RCAN2: variants seen among roughly 807,000 people sequenced by gnomAD.
RCAN2 encodes regulator of calcineurin 2, also known as calcipressin-2.
RCAN2 carries 9 observed loss-of-function variants against 23.6 expected under a neutral mutation model. That is an observed-to-expected ratio of 0.38 (90% CI 0.23 to 0.67). The LOEUF (loss-of-function observed/expected upper bound fraction) is 0.67, where lower values mean the gene tolerates loss of function less well. RCAN2 is among the 30% of genes least tolerant of loss of function. The pLI, the probability that RCAN2 is intolerant of heterozygous loss-of-function variation, is 0.51. For synonymous variants in RCAN2, 109 were observed against 115.7 expected (o/e 0.94, Z 0.37); for missense variants, 273 against 302.3 (o/e 0.90, Z 0.72).
intron 1 of RCAN2, among the ~76,000 whole-genome samples, chr6:46,462,179 G>A (rs1768238439): frequency 6.6e-6 from 1 of 152,114 alleles, no homozygotes; most frequent in African/African-American, 2.4e-5. Context: ...AAGCAGCAGT[G>A]CAGCTTGAAT....
At chr6:46,479,240 C>G (rs918301664) in intron 1 of RCAN2, among the ~76,000 whole-genome samples, 1 of 152,184 alleles carries the variant, frequency 6.6e-6, no homozygotes, top group African/African-American at 2.4e-5. Context: ...AAACTGAGTA[C>G]AGAGCATCCT....
Position 46,222,132 on chromosome 6 carries a change from T to C in RCAN2, c.*1009A>G. ...GTATATATTGGCATTAGATGTTTTG[T>C]GTCCTTTCAAAATTCAGCATTATCC... On this transcript the variant is annotated 3_prime_UTR_variant, in exon 5 of 5. Coordinates refer to ENST00000371374, the MANE Select transcript of RCAN2 (RefSeq NM_001251974.2). 2.5e-6 allele frequency: 1 copy of C among 396,750 alleles called. No individual in the cohort carries two copies. 24.6% of individuals were successfully genotyped at this position (396,750 alleles called of 1,614,324 possible).
At chr6:46,313,768 A>G (rs997354201) in intron 2 of RCAN2, among the ~76,000 whole-genome samples, 1 of 152,210 alleles carries the variant, frequency 6.6e-6, no homozygotes, top group Non-Finnish European at 1.5e-5. Flanking sequence ...TCCTGACTAC[A>G]TCAAAGAGGT....
chr6:46,243,581 C>T (rs963281243), intron 4 of RCAN2, among the ~76,000 whole-genome samples: 6 of 151,858 alleles, frequency 4.0e-5, no homozygotes, highest in South Asian at 2.1e-4. Flanking sequence ...GAGACTGAGG[C>T]GGGTGGATCA....
In RCAN2 at chr6:46,298,588, C is replaced by T. The variant is rs141253688; in HGVS notation, c.226-49692G>A. Among the ~76,000 whole-genome samples the T allele has an allele frequency of 4.2e-3, 634 of 152,036 alleles. 3 individuals are homozygous for T. Among genetic ancestry groups the T allele is most frequent in the African/African-American group, 0.014 (596 of 41,500 alleles). The stretch of plus-strand genomic sequence containing the variant: ...GATTCTCCCTCACTTTGGTAGATAC[C>T]GTACAAACTAATCAGAGTTGGAGAA... On this transcript the variant is annotated intron_variant, in intron 2 of 4. Transcript: ENST00000371374.
chr6:46,391,154 T>A (rs1471918706), intron 2 of RCAN2, among the ~76,000 whole-genome samples: 7 of 152,188 alleles, frequency 4.6e-5, no homozygotes, highest in Admixed American at 4.6e-4. Context: ...AGTTTCCTCA[T>A]AAGTGAAACT....
At chr6:46,410,461 T>C (rs1766516182) in intron 2 of RCAN2, among the ~76,000 whole-genome samples, 1 of 152,180 alleles carries the variant, frequency 6.6e-6, no homozygotes, top group East Asian at 1.9e-4. Context: ...TAAAAAAAGG[T>C]AACCAGGATT....
At position 46,221,641 on chromosome 6, in the gene RCAN2, T is replaced by C. The variant is rs975970769; in HGVS notation, c.*1500A>G. The C allele has an allele frequency of 6.3e-6, 2 of 317,734 alleles. No homozygotes were observed. Among genetic ancestry groups the C allele is most frequent in the Admixed American group, 9.9e-5 (2 of 20,204 alleles). 19.7% of individuals were successfully genotyped at this position (317,734 alleles called of 1,614,324 possible). ...CTGAGTGATCAGTCTATGTTTTAAG[T>C]TTCTGATGAAACTAACATACACCTT... On this transcript the variant is annotated 3_prime_UTR_variant, in exon 5 of 5. Coordinates refer to ENST00000371374, the MANE Select transcript of RCAN2 (RefSeq NM_001251974.2).
chr6:46,337,449 C>A (rs762730337), intron 2 of RCAN2, among the ~76,000 whole-genome samples: 3 of 152,154 alleles, frequency 2.0e-5, no homozygotes, highest in African/African-American at 2.4e-5. Context: ...GAGGTGTAAA[C>A]ATGTGAAAGT....
chr6:46,348,022 T>C (rs1323802635), intron 2 of RCAN2, among the ~76,000 whole-genome samples: 1 of 152,202 alleles, frequency 6.6e-6, no homozygotes, highest in Non-Finnish European at 1.5e-5. Flanking sequence ...GTACAGGACC[T>C]GAGCAGAATA....
chr6:46,361,097 CT>C (rs1209783396), intron 2 of RCAN2, among the ~76,000 whole-genome samples: 1 of 152,146 alleles, frequency 6.6e-6, no homozygotes, highest in Non-Finnish European at 1.5e-5. Flanking sequence ...TTCTGAACAC[CT>C]CTGTGCTTCC....
chr6:46,261,912 C>T (rs1467735642), intron 2 of RCAN2, among the ~76,000 whole-genome samples: 1 of 152,178 alleles, frequency 6.6e-6, no homozygotes, highest in Non-Finnish European at 1.5e-5. Context: ...GGGGATCCTG[C>T]ACCATTAGCT....
chr6:46,487,489 T>A (rs1216477444), intron 1 of RCAN2, among the ~76,000 whole-genome samples: 1 of 152,176 alleles, frequency 6.6e-6, no homozygotes, highest in Non-Finnish European at 1.5e-5. Flanking sequence ...CGGCAAAGGG[T>A]GGGACCTCCA....
intron 2 of RCAN2, among the ~76,000 whole-genome samples, chr6:46,454,359 A>G (rs530910872): frequency 5.3e-5 from 8 of 152,306 alleles, no homozygotes; most frequent in African/African-American, 1.9e-4. Context: ...AGATGCCACA[A>G]GACTCCCCAC....
chr6:46,279,788 C>A (rs1223932661), intron 2 of RCAN2, among the ~76,000 whole-genome samples: 1 of 152,138 alleles, frequency 6.6e-6, no homozygotes, highest in Non-Finnish European at 1.5e-5. Context: ...GTCTTGTCAT[C>A]TGCAAAATAG....
intron 2 of RCAN2, among the ~76,000 whole-genome samples, chr6:46,311,612 A>T (rs1763262521): frequency 6.6e-6 from 1 of 152,130 alleles, no homozygotes; most frequent in African/African-American, 2.4e-5. Context: ...TCTCCAACTG[A>T]CCTAGAAAGA....
At chr6:46,230,605 C>T (rs1325643220) in intron 4 of RCAN2, among the ~76,000 whole-genome samples, 3 of 152,174 alleles carry the variant, frequency 2.0e-5, no homozygotes, top group Non-Finnish European at 4.4e-5. Flanking sequence ...CCTGGTGTGC[C>T]GTTTGCTAAG....
In RCAN2 at chr6:46,221,955, G is replaced by A. The variant is rs1369235656; in HGVS notation, c.*1186C>T. ...ACACGGGTGTCGCGTGAGTAGGACC[G>A]GCATACATGTAGCTATCATCCTTCC... On this transcript the variant is annotated 3_prime_UTR_variant, in exon 5 of 5. Coordinates refer to ENST00000371374, the MANE Select transcript of RCAN2 (RefSeq NM_001251974.2). 1.0e-5 allele frequency: 4 copies of A among 398,356 alleles called. No individual in the cohort carries two copies. The highest frequency in any genetic ancestry group is 2.1e-5 in the African/African-American group (1 of 48,606). 24.7% of individuals were successfully genotyped at this position (398,356 alleles called of 1,614,324 possible).
chr6:46,286,686 C>T (rs1383827795), intron 2 of RCAN2, among the ~76,000 whole-genome samples: 1 of 152,126 alleles, frequency 6.6e-6, no homozygotes, highest in Non-Finnish European at 1.5e-5. Context: ...GACTGAAGAA[C>T]AGACATGCCC....
Sources: allele counts gnomAD v4.1 joint callset (sites outside exome capture counted in the v4.1 genomes callset), GRCh38; gene constraint gnomAD v4.1.1; transcripts MANE v1.5; gene names NCBI Gene and HGNC (gene_info 2026-07-23, HGNC 2026-07-21).